Variants in GRID2 observed in about 807,000 individuals in gnomAD.
The protein encoded by GRID2 is glutamate ionotropic receptor delta type subunit 2.
Under a neutral mutation model 114.8 loss-of-function variants are expected in GRID2, and 33 were observed. The observed-to-expected ratio is 0.29, with a 90% CI of 0.22 to 0.38. GRID2 has a LOEUF of 0.38. Among genes scored for constraint, GRID2 ranks in the 10% least tolerant of loss-of-function variants. The probability of loss-of-function intolerance (pLI) is 1.00; values close to 1 mark genes in which losing one functional copy is unlikely to be tolerated. For synonymous variants in GRID2, 505 were observed against 449.9 expected, an observed-to-expected ratio of 1.12 and a Z score of -1.55; for missense variants, 1,184 against 1,257.7, an observed-to-expected ratio of 0.94 and a Z score of 0.89.
At chr4:93,256,996 A>AT (rs1459103567) in intron 8 of GRID2, among the ~76,000 whole-genome samples, 2 of 151,902 alleles carry the variant, frequency 1.3e-5, no homozygotes, top group East Asian at 3.8e-4. Flanking sequence ...ATTTAATATT[A>AT]TTTGCTTATT....
At chr4:93,339,748 A>G (rs1759454241) in intron 8 of GRID2, among the ~76,000 whole-genome samples, 2 of 152,168 alleles carry the variant, frequency 1.3e-5, no homozygotes, top group South Asian at 4.1e-4. Flanking sequence ...TCTAAAGGGA[A>G]GAGGTGTAAT....
chr4:93,622,790 A>G (rs1328937942), intron 13 of GRID2, among the ~76,000 whole-genome samples: 1 of 152,218 alleles, frequency 6.6e-6, no homozygotes, highest in Non-Finnish European at 1.5e-5. Context: ...TGGGTATCCA[A>G]TATTGGTGGG....
intron 7 of GRID2, among the ~76,000 whole-genome samples, chr4:93,232,284 A>T (rs866219674): frequency 6.6e-6 from 1 of 152,090 alleles, no homozygotes; most frequent in Non-Finnish European, 1.5e-5. Flanking sequence ...ATCACTGGAC[A>T]TTTTCTATGT....
In GRID2 at chr4:92,926,950, A is replaced by G. The variant is rs145138486; in HGVS notation, c.245-158045A>G. Among the ~76,000 whole-genome samples the G allele has an allele frequency of 1.4e-4, 21 of 152,040 alleles. No homozygotes were observed. The East Asian group carries it at 4.1e-3, about 29-fold the overall frequency. Reference sequence around the variant, plus strand: ...ACTCTCAACTGTTGCACTGGGGACTAAGTTCAACACATGAACTTTAGGAGA... The same window carrying G: ...ACTCTCAACTGTTGCACTGGGGACTGAGTTCAACACATGAACTTTAGGAGA... On this transcript the variant is annotated intron_variant, in intron 2 of 15. Transcript: ENST00000282020.
intron 1 of GRID2, among the ~76,000 whole-genome samples, chr4:93,797,176 G>A (rs752690823): frequency 5.9e-5 from 9 of 152,040 alleles, no homozygotes; most frequent in East Asian, 1.9e-4. Flanking sequence ...TTGTATATGC[G>A]GTCCATCATT....
At chr4:92,453,826 T>C (rs1183338802) in intron 1 of GRID2, among the ~76,000 whole-genome samples, 1 of 152,182 alleles carries the variant, frequency 6.6e-6, no homozygotes, top group African/African-American at 2.4e-5. Context: ...ATTTTTTAAA[T>C]ATAATGTATA....
At chr4:93,683,645 C>T (rs916329735) in intron 14 of GRID2, among the ~76,000 whole-genome samples, 1 of 152,022 alleles carries the variant, frequency 6.6e-6, no homozygotes, top group East Asian at 1.9e-4. Flanking sequence ...AATTAGCATT[C>T]CAGTGTTTTA....
chr4:92,419,066 A>G (rs573148863), intron 1 of GRID2, among the ~76,000 whole-genome samples: 14 of 152,224 alleles, frequency 9.2e-5, no homozygotes, highest in African/African-American at 2.6e-4. Flanking sequence ...TGCCTCTGCT[A>G]TAGTGGGATA....
At chr4:93,724,496 C>T (rs772913188) in intron 14 of GRID2, among the ~76,000 whole-genome samples, 59 of 152,162 alleles carry the variant, frequency 3.9e-4, no homozygotes, top group Non-Finnish European at 4.9e-4. Context: ...GCAGCTAACT[C>T]GTGGAATATA....
intron 10 of GRID2, among the ~76,000 whole-genome samples, chr4:93,438,171 A>C (rs1721280694): frequency 6.6e-6 from 1 of 152,108 alleles, no homozygotes; most frequent in Admixed American, 6.6e-5. Context: ...AAGGAGTGGA[A>C]GATACTTTTC....
At chr4:93,757,912 G>A (rs989735653) in intron 14 of GRID2, among the ~76,000 whole-genome samples, 19 of 152,148 alleles carry the variant, frequency 1.2e-4, no homozygotes, top group Non-Finnish European at 8.8e-5. Flanking sequence ...AGCCGAGATC[G>A]CACCATTGTA....
At chr4:93,706,202 T>G (rs1298817770) in intron 14 of GRID2, among the ~76,000 whole-genome samples, 1 of 152,224 alleles carries the variant, frequency 6.6e-6, no homozygotes, top group Non-Finnish European at 1.5e-5. Context: ...CATTGTTTTT[T>G]CTATTTCTGT....
intron 2 of GRID2, among the ~76,000 whole-genome samples, chr4:92,678,874 CTT>C (rs1419089157): frequency 6.6e-6 from 1 of 151,452 alleles, no homozygotes; most frequent in African/African-American, 2.4e-5. Context: ...AAAAGTGAAA[CTT>C]GAGGATTATA....
intron 2 of GRID2, among the ~76,000 whole-genome samples, chr4:92,873,765 A>G (rs566216559): frequency 6.6e-6 from 1 of 152,126 alleles, no homozygotes; most frequent in Non-Finnish European, 1.5e-5. Context: ...CCCAGGCTGG[A>G]GTGCAATGGC....
intron 1 of GRID2, among the ~76,000 whole-genome samples, chr4:92,496,719 GTGAAAA>G (rs1723406728): frequency 2.6e-5 from 4 of 151,156 alleles, no homozygotes; most frequent in Non-Finnish European, 1.5e-5. Flanking sequence ...CAGTTTTATT[GTGAAAA>G]TGAAAATGAA....
intron 14 of GRID2, among the ~76,000 whole-genome samples, chr4:93,750,582 C>T (rs573855647): frequency 2.0e-5 from 3 of 151,992 alleles, no homozygotes; most frequent in Non-Finnish European, 4.4e-5. Flanking sequence ...ATGTGAAACC[C>T]GGTCTCTACT....
intron 2 of GRID2, among the ~76,000 whole-genome samples, chr4:92,666,741 G>T (rs1026883742): frequency 7.0e-6 from 1 of 142,558 alleles, no homozygotes; most frequent in Non-Finnish European, 1.5e-5. Flanking sequence ...GTATTTTCAG[G>T]TGCTGTGAAT....
At chr4:92,618,367 T>C (rs1266771947) in intron 2 of GRID2, among the ~76,000 whole-genome samples, 1 of 151,770 alleles carries the variant, frequency 6.6e-6, no homozygotes, top group Non-Finnish European at 1.5e-5. Context: ...AATTGGTCTA[T>C]ATTTCTGTTC....
At chr4:92,582,638 G>T (rs1728234691) in intron 1 of GRID2, among the ~76,000 whole-genome samples, 1 of 151,770 alleles carries the variant, frequency 6.6e-6, no homozygotes. Context: ...ACCTATTTGA[G>T]AATTTTAATA....
Sources: gnomAD v4.1 joint callset for allele counts (sites outside exome capture counted in the v4.1 genomes callset) on GRCh38, gnomAD v4.1.1 for gene constraint, MANE v1.5 for transcripts, NCBI Gene and HGNC (gene_info 2026-07-23, HGNC 2026-07-21) for gene names.